GSDMA: variants seen among roughly 807,000 people sequenced by gnomAD.
GSDMA encodes gasdermin A.
Under a neutral mutation model 54.3 loss-of-function variants are expected in GSDMA, and 55 were observed. The ratio of observed to expected loss-of-function variants is 1.01; its 90% CI spans 0.82 to 1.27. The LOEUF is 1.27. GSDMA is among the 50% of genes most tolerant of loss of function. GSDMA has a pLI of 0.00. For missense variants in GSDMA, 542 were observed against 542.6 expected (o/e 1.00, Z 0.01); for synonymous variants, 211 against 224.7 (o/e 0.94, Z 0.54).
Position 39,965,316 on chromosome 17 carries a change from G to T in GSDMA, c.-5-367G>T, listed in dbSNP as rs866806817. On this transcript the variant is annotated intron_variant, in intron 1 of 11. Coordinates refer to ENST00000301659, the MANE Select transcript of GSDMA (RefSeq NM_178171.5). The stretch of plus-strand genomic sequence containing the variant: ...AAAGAAAGAAAGAGAAATAAATAAA[G>T]AAAGAAAGAAAGAAAGAAAAAGAAA... 5.7e-5 allele frequency among the ~76,000 whole-genome samples: 8 copies of T among 141,462 alleles called. No homozygotes were observed. The East Asian group carries it at 7.8e-4, about 14-fold the overall frequency. The allele number at this position is 141,462 out of a possible 152,430, so 92.8% of individuals were successfully genotyped here.
rs1979936872 is a variant in GSDMA, at chr17:39,971,514, CT to C, written c.559-9del. The C allele has an allele frequency of 1.2e-6, 2 of 1,605,704 alleles. No individual in the cohort carries two copies. The highest frequency in any genetic ancestry group is 1.7e-6 in the Non-Finnish European group (2 of 1,172,586). On this transcript the variant is annotated splice_polypyrimidine_tract_variant and intron_variant, in intron 4 of 11. Transcript: ENST00000301659. Reference sequence around the variant, plus strand: ...CCAGAGATTCACAAATTCTCATTGTCTAATTCTAGGGATCCATAAATCACAA... The same window carrying C: ...CCAGAGATTCACAAATTCTCATTGTCAATTCTAGGGATCCATAAATCACAA...
At position 39,970,683 on chromosome 17, in the gene GSDMA, A is replaced by T. The variant is rs1043464849; in HGVS notation, c.558+36A>T. 71 of 1,367,634 alleles carry T rather than the reference A, an allele frequency of 5.2e-5. 1 individual carries two copies. Among genetic ancestry groups the T allele is most frequent in the East Asian group, 8.7e-5 (3 of 34,366 alleles). The allele number at this position is 1,367,634 out of a possible 1,614,324, so 84.7% of individuals were successfully genotyped here. On this transcript the variant is annotated intron_variant, in intron 4 of 11. Coordinates refer to ENST00000301659, the MANE Select transcript of GSDMA (RefSeq NM_178171.5). Reference sequence around the variant, plus strand: ...AACACACACACACACACACACACACACTCTCACACTCACACTCACACATAC... The same window carrying T: ...AACACACACACACACACACACACACTCTCTCACACTCACACTCACACATAC...
At chr17:39,975,687 G>C (rs563291295) in intron 10 of GSDMA, among the ~76,000 whole-genome samples, 41 of 152,174 alleles carry the variant, frequency 2.7e-4, no homozygotes, top group African/African-American at 8.4e-4. Flanking sequence ...ACATTTTCTA[G>C]TTTTCCACTT....
At position 39,977,754 on chromosome 17, in the gene GSDMA, T is replaced by C. The variant is rs1023339468; in HGVS notation, c.*696T>C. On this transcript the variant is annotated 3_prime_UTR_variant, in exon 12 of 12. Coordinates refer to ENST00000301659, the MANE Select transcript of GSDMA (RefSeq NM_178171.5). ...TTACTGGAATTAATGGAAAATATTA[T>C]GTCAATCTTAGGAATGATATGTCTT... 2 of 152,358 alleles carry C rather than the reference T, an allele frequency of 1.3e-5. No individual in the cohort carries two copies. The highest frequency in any genetic ancestry group is 4.8e-5 in the African/African-American group (2 of 41,460). 9.4% of individuals were successfully genotyped at this position (152,358 alleles called of 1,614,324 possible). A position where few individuals can be genotyped will look rare whatever the true frequency, so the allele number is the denominator to read the frequency against.
chr17:39,974,914 A>T lies in GSDMA; in HGVS notation c.921A>T (p.Leu307=). Residue 307 remains leucine, a synonymous_variant, in exon 10 of 12, where the codon CTA becomes CTT. Coordinates refer to ENST00000301659, the MANE Select transcript of GSDMA (RefSeq NM_178171.5). ...QDLELALEGA[L]DKGHEVTLEA... is the part of the protein sequence containing the mutation. Reference sequence around the variant, plus strand: ...TTCCCCCACAGCTTGAAGGGGCTCTAGACAAGGGACATGAAGTGACCCTGG... The same window carrying T: ...TTCCCCCACAGCTTGAAGGGGCTCTTGACAAGGGACATGAAGTGACCCTGG... The T allele has an allele frequency of 6.2e-7, 1 of 1,607,420 alleles. No individual in the cohort carries two copies. The highest frequency in any genetic ancestry group is 1.1e-5 in the South Asian group (1 of 90,442).
rs972431263 is a variant in GSDMA, at chr17:39,970,603, G to A, written c.514G>A (p.Glu172Lys). ...EVTLERAGKA[E>K]ACFSLPFFAP... ...CACACTGGAGCGAGCCGGCAAGGCA[G>A]AGGCCTGCTTCTCCCTCCCCTTCTT... Residue 172 changes from glutamate (E) to lysine (K), a missense_variant, in exon 4 of 12, where the codon GAG (glutamate) becomes AAG (lysine). By Grantham distance (56) the Glu-to-Lys change is moderately conservative. Transcript: ENST00000301659. 1 of 1,592,970 alleles carries A rather than the reference G, an allele frequency of 6.3e-7. No homozygotes were observed. Among genetic ancestry groups the A allele is most frequent in the African/African-American group, 1.3e-5 (1 of 74,234 alleles).
At chr17:39,967,809 T>A (rs986302215) in intron 3 of GSDMA, among the ~76,000 whole-genome samples, 10 of 149,472 alleles carry the variant, frequency 6.7e-5, no homozygotes, top group Middle Eastern at 3.5e-3. Flanking sequence ...AGTAGCTGGG[T>A]TTACAGGTGC....
chr17:39,977,162 C>G lies in GSDMA; in HGVS notation c.*104C>G. ...TTTCAGAGCCATCAGCTGAAGACAT[C>G]TGAAATCTCAGCTGGTCACCCATGA... On this transcript the variant is annotated 3_prime_UTR_variant, in exon 12 of 12. Transcript: ENST00000301659. 7.3e-7 allele frequency: 1 copy of G among 1,374,650 alleles called. No individual in the cohort carries two copies. The highest frequency in any genetic ancestry group is 1.0e-6 in the Non-Finnish European group (1 of 998,748). The allele number at this position is 1,374,650 out of a possible 1,614,324, so 85.2% of individuals were successfully genotyped here.
At chr17:39,964,932 C>T (rs894799596) in intron 1 of GSDMA, among the ~76,000 whole-genome samples, 1 of 152,052 alleles carries the variant, frequency 6.6e-6, no homozygotes, top group Non-Finnish European at 1.5e-5. Context: ...TTGAGACCAG[C>T]CTGGGAAACA....
In GSDMA at chr17:39,976,963, GGCCCCCAATATA is replaced by G; in HGVS notation, c.1244_1255del (p.Gly415_Met419delinsVal). The G allele has an allele frequency of 6.2e-7, 1 of 1,613,892 alleles. No individual in the cohort carries two copies. Among genetic ancestry groups the G allele is most frequent in the Non-Finnish European group, 8.5e-7 (1 of 1,179,886 alleles). On this transcript the variant is annotated inframe_deletion, in exon 12 of 12. Coordinates refer to ENST00000301659, the MANE Select transcript of GSDMA (RefSeq NM_178171.5). The stretch of plus-strand genomic sequence containing the variant: ...GAGTGGCCTGGAAGTGCAGAGATCG[GGCCCCCAATATA>G]TGTGGGACCCAGACACCCTCCCTCG...
rs543988848 is a variant in GSDMA, at chr17:39,965,886, G to A, written c.199G>A (p.Gly67Ser). 16 of 1,554,200 alleles carry A rather than the reference G, an allele frequency of 1.0e-5. No individual in the cohort carries two copies. The highest frequency in any genetic ancestry group is 3.6e-5 in the South Asian group (3 of 84,230). Reference protein sequence around the residue: ...DYTLLDVLEPGSSPSDPTDTG... With the variant: ...DYTLLDVLEPSSSPSDPTDTG... ...CACGCTGCTGGATGTGCTTGAGCCC[G>A]GCAGCTCACCTTCAGGTCAGCCTCA... The change falls in exon 2 of 12, where the codon GGC (glycine) becomes AGC (serine). Residue 67 changes from glycine (G) to serine (S), a missense_variant. Physicochemically the swap from Gly to Ser is moderately conservative, Grantham distance 56. Coordinates refer to ENST00000301659, the MANE Select transcript of GSDMA (RefSeq NM_178171.5).
At chr17:39,972,740 C>T (rs899075697) in intron 7 of GSDMA, 127 bp downstream of exon 7, 22 of 865,760 alleles carry the variant, frequency 2.5e-5, no homozygotes, top group South Asian at 2.4e-4. Flanking sequence ...TAATTGTCCC[C>T]GAAACATGGC....
At position 39,974,318 on chromosome 17, in the gene GSDMA, G is replaced by T; in HGVS notation, c.797G>T (p.Arg266Ile). The change falls in exon 9 of 12, where the codon AGA (arginine) becomes ATA (isoleucine). Residue 266 changes from arginine to isoleucine, a missense_variant. Arg to Ile is a moderately conservative substitution (Grantham distance 97). Transcript: ENST00000301659. ...AGGACACTAAAAGAAGAAGTTCAGAGAGAGACCCAACAAGTGGAGAAGCTG... is the reference window on the plus strand; with the variant it reads ...AGGACACTAAAAGAAGAAGTTCAGATAGAGACCCAACAAGTGGAGAAGCTG... ...GFRTLKEEVQRETQQVEKLSR... is the reference protein window; with the variant it reads ...GFRTLKEEVQIETQQVEKLSR... 2 of 1,611,074 alleles carry T rather than the reference G, an allele frequency of 1.2e-6. No homozygotes were observed. The highest frequency in any genetic ancestry group is 3.4e-5 in the Admixed American group (2 of 59,628).
rs893052098 is a variant in GSDMA at position 39,967,855 on chromosome 17, T to TTTTA, written c.392+1434_392+1437dup. Among the ~76,000 whole-genome samples, 5 of 150,224 alleles carry TTTTA rather than the reference T, an allele frequency of 3.3e-5. No individual in the cohort carries two copies. The East Asian group carries it at 7.7e-4, about 23-fold the overall frequency. Reference sequence around the variant, plus strand: ...GCCCGGATAATTTTTTATTTATTTATTTTATTTATTTATTTATTTTGAGAT... The same window carrying TTTTA: ...GCCCGGATAATTTTTTATTTATTTATTTTATTTATTTATTTATTTATTTTGAGAT... On this transcript the variant is annotated intron_variant, in intron 3 of 11. Coordinates refer to ENST00000301659, the MANE Select transcript of GSDMA (RefSeq NM_178171.5).
At chr17:39,965,308 TAAATAAAG>T (rs752255287) in intron 1 of GSDMA, among the ~76,000 whole-genome samples, 123 of 42,660 alleles carry the variant, frequency 2.9e-3, no homozygotes, top group Non-Finnish European at 4.5e-3. Flanking sequence ...GAAAGAGAAA[TAAATAAAG>T]AAAGAAAGAA....
intron 2 of GSDMA, 78 bp from the exon 3 acceptor site, chr17:39,966,182 C>T (rs1568127639): frequency 6.7e-7 from 1 of 1,494,774 alleles, no homozygotes; most frequent in African/African-American, 1.4e-5. Context: ...CCACCTTGGC[C>T]TCCCAAAATG....
chr17:39,968,246 G>A (rs1979758143), intron 3 of GSDMA, among the ~76,000 whole-genome samples: 2 of 150,294 alleles, frequency 1.3e-5, no homozygotes, highest in South Asian at 4.3e-4. Context: ...CACCATGTTA[G>A]TCAGGCTGGT....
At chr17:39,971,456 A>G (rs1979932734) in intron 4 of GSDMA, 68 bp from the exon 5 acceptor site, 13 of 1,258,302 alleles carry the variant, frequency 1.0e-5, no homozygotes, top group East Asian at 2.4e-5. Context: ...ACCTCCCCCA[A>G]CTCACGCTCC....
rs1402115048 is a variant in GSDMA at position 39,965,161 on chromosome 17, G to T, written c.-5-522G>T. ...AAGCAAAGCAAGGAAAGGCGAGGTGGAGGGAAGGAAGGAAGGGAAGGAAGG... is the reference window on the plus strand; with the variant it reads ...AAGCAAAGCAAGGAAAGGCGAGGTGTAGGGAAGGAAGGAAGGGAAGGAAGG... On this transcript the variant is annotated intron_variant, in intron 1 of 11. Transcript: ENST00000301659. Among the ~76,000 whole-genome samples, 4 of 148,446 alleles carry T rather than the reference G, an allele frequency of 2.7e-5. No individual in the cohort carries two copies. In the East Asian group the frequency reaches 8.0e-4, roughly 30 times the overall value.
Sources: allele counts gnomAD v4.1 joint callset (sites outside exome capture counted in the v4.1 genomes callset), GRCh38; gene constraint gnomAD v4.1.1; transcripts MANE v1.5; gene names NCBI Gene and HGNC (gene_info 2026-07-23, HGNC 2026-07-21).